Variants in GRB10 observed in about 807,000 individuals in gnomAD.
The protein encoded by GRB10 is growth factor receptor bound protein 10.
GRB10 carries 20 observed loss-of-function variants against 80.9 expected under a neutral mutation model. That is an observed-to-expected ratio of 0.25 (90% CI 0.17 to 0.36). GRB10 has a LOEUF of 0.36. Ranked by LOEUF, GRB10 falls within the 10% of genes least tolerant of loss-of-function variation. The pLI is 1.00. For missense variants in GRB10, 548 were observed against 747.7 expected (o/e 0.73, Z 3.12); for synonymous variants, 291 against 291.5 (o/e 1.00, Z 0.02).
upstream of GRB10, among the ~76,000 whole-genome samples, chr7:50,785,648 C>T: frequency 6.6e-6 from 1 of 152,278 alleles, no homozygotes; most frequent in East Asian, 1.9e-4. Flanking sequence ...CCACCGCGGG[C>T]ACCCCGCCTC....
Position 50,619,033 on chromosome 7 carries a change from A to C in GRB10, c.777+137T>G, listed in dbSNP as rs954408980. ...GTTTCAAGCAAGGACTGCTTCATTA[A>C]ACTACAACTCTGATTCTCAAACCCA... is the stretch of plus-strand genomic sequence containing the variant. On this transcript the variant is annotated intron_variant, in intron 9 of 18. Transcript: ENST00000401949. 7.1e-5 allele frequency: 49 copies of C among 687,604 alleles called. No homozygotes were observed. The African/African-American group carries it at 8.7e-4, about 12-fold the overall frequency. 42.6% of individuals were successfully genotyped at this position (687,604 alleles called of 1,614,324 possible). A position where few individuals can be genotyped will look rare whatever the true frequency, so the allele number is the denominator to read the frequency against.
chr7:50,726,662 T>TA (rs2068703291), intron 4 of GRB10, among the ~76,000 whole-genome samples: 1 of 152,168 alleles, frequency 6.6e-6, no homozygotes, highest in Non-Finnish European at 1.5e-5. Flanking sequence ...GCAAACACCT[T>TA]ACGATCAGCA....
intron 1 of GRB10, among the ~76,000 whole-genome samples, chr7:50,791,507 C>A (rs2078912854): frequency 6.6e-6 from 1 of 152,196 alleles, no homozygotes; most frequent in Admixed American, 6.5e-5. Flanking sequence ...GACAGTATGA[C>A]CTCGGGCATG....
chr7:50,614,717 GTC>G, intron 12 of GRB10, 51 bp downstream of exon 12: 1 of 1,088,210 alleles, frequency 9.2e-7, no homozygotes, highest in Non-Finnish European at 1.4e-6. Context: ...GAAGAAGTCA[GTC>G]TCCTGTGGGC....
intron 6 of GRB10, 89 bp downstream of exon 6, chr7:50,674,347 C>G (rs2060671561): frequency 7.8e-7 from 1 of 1,288,798 alleles, no homozygotes; most frequent in Non-Finnish European, 1.1e-6. Flanking sequence ...ACACTATTCC[C>G]CCCAACACCA....
At chr7:50,686,711 C>T (rs867518832) in intron 5 of GRB10, among the ~76,000 whole-genome samples, 17 of 152,128 alleles carry the variant, frequency 1.1e-4, no homozygotes, top group African/African-American at 3.4e-4. Context: ...AGATACTATG[C>T]CAGGCAATTC....
intron 2 of GRB10, chr7:50,762,014 C>A (rs1300384996): frequency 6.6e-6 from 1 of 152,152 alleles, no homozygotes; most frequent in Non-Finnish European, 1.5e-5. Flanking sequence ...TCCTGTCCAG[C>A]CTGCGGAATC....
chr7:50,697,927 G>A (rs535578127), intron 5 of GRB10, among the ~76,000 whole-genome samples: 1 of 152,342 alleles, frequency 6.6e-6, no homozygotes. Context: ...CACGCCAAGA[G>A]GGAGGATGAA....
intron 2 of GRB10, among the ~76,000 whole-genome samples, chr7:50,777,275 C>G (rs2077760291): frequency 6.6e-6 from 1 of 152,052 alleles, no homozygotes; most frequent in Admixed American, 6.5e-5. Flanking sequence ...ACCCATTCCC[C>G]CTCAGGCCCT....
intron 4 of GRB10, among the ~76,000 whole-genome samples, chr7:50,719,060 T>C (rs1487328727): frequency 6.6e-6 from 1 of 152,170 alleles, no homozygotes; most frequent in African/African-American, 2.4e-5. Context: ...AATCCTGCCC[T>C]ATGGAGTTTG....
intron 2 of GRB10, among the ~76,000 whole-genome samples, chr7:50,773,099 G>T (rs2077142257): frequency 6.6e-6 from 1 of 152,096 alleles, no homozygotes; most frequent in South Asian, 2.1e-4. Context: ...TCACATGGTG[G>T]CAGACAAGAG....
Position 50,691,262 on chromosome 7 carries a change from C to A in GRB10, c.139+12559G>T, listed in dbSNP as rs542228864. Among the ~76,000 whole-genome samples the A allele has an allele frequency of 1.6e-4, 25 of 152,174 alleles. 1 individual carries two copies. In the South Asian group the frequency reaches 5.0e-3, roughly 30 times the overall value. ...CAAAAAGAAAGAAAATACTGGTGGACTTGGATAAGGAAGGAGGGCTAATCT... is the reference window on the plus strand; with the variant it reads ...CAAAAAGAAAGAAAATACTGGTGGAATTGGATAAGGAAGGAGGGCTAATCT... On this transcript the variant is annotated intron_variant, in intron 5 of 18. Coordinates refer to ENST00000401949, the MANE Select transcript of GRB10 (RefSeq NM_001350814.2).
rs990757070 is a variant in GRB10, at chr7:50,767,522, G to T, written c.-216-11466C>A. Among the ~76,000 whole-genome samples, 3 of 152,184 alleles carry T rather than the reference G, an allele frequency of 2.0e-5. No individual in the cohort carries two copies. The East Asian group carries it at 5.8e-4, about 29-fold the overall frequency. ...AGGGATGCTCCACAGGAAGCAGAAT[G>T]CTCTGGTCTGGGCAGAGCTGGCCCA... On this transcript the variant is annotated intron_variant, in intron 2 of 18. Coordinates refer to ENST00000401949, the MANE Select transcript of GRB10 (RefSeq NM_001350814.2).
rs544272928 is a variant in GRB10 at position 50,684,075 on chromosome 7, C to T, written c.140-9417G>A. Among the ~76,000 whole-genome samples the T allele has an allele frequency of 1.5e-3, 233 of 151,996 alleles. 1 individual carries two copies. The highest frequency in any genetic ancestry group is 2.7e-3 in the Non-Finnish European group (184 of 67,984). On this transcript the variant is annotated intron_variant, in intron 5 of 18. Coordinates refer to ENST00000401949, the MANE Select transcript of GRB10 (RefSeq NM_001350814.2). Reference sequence around the variant, plus strand: ...ATCTTTAATGACACATGCAAAGTGCCGCCGCCAGTGGAGGCTCATTAAATT... The same window carrying T: ...ATCTTTAATGACACATGCAAAGTGCTGCCGCCAGTGGAGGCTCATTAAATT...
In GRB10 at chr7:50,639,599, G is replaced by A. The variant is rs1049699850; in HGVS notation, c.505-12621C>T. On this transcript the variant is annotated intron_variant, in intron 7 of 18. Coordinates refer to ENST00000401949, the MANE Select transcript of GRB10 (RefSeq NM_001350814.2). ...GAGGCGGGAGAATGGCGTGAACCGG[G>A]GAGGCGGAGCTTGCAGTGAGCCGAG... Among the ~76,000 whole-genome samples the A allele has an allele frequency of 2.6e-4, 39 of 152,150 alleles. 1 individual carries two copies. The highest frequency in any genetic ancestry group is 2.1e-4 in the South Asian group (1 of 4,820).
chr7:50,705,232 C>T, intron 4 of GRB10: 12 of 985,784 alleles, frequency 1.2e-5, no homozygotes, highest in Non-Finnish European at 1.4e-5. Flanking sequence ...GGACAGACTC[C>T]AGCAGGGTCA....
chr7:50,744,187 G>T (rs1316112221), intron 3 of GRB10, among the ~76,000 whole-genome samples: 3 of 152,140 alleles, frequency 2.0e-5, no homozygotes, highest in Non-Finnish European at 4.4e-5. Flanking sequence ...TAGGACGCAG[G>T]CGCTGCAACA....
intron 7 of GRB10, among the ~76,000 whole-genome samples, chr7:50,649,626 C>T (rs2057734712): frequency 6.6e-6 from 1 of 152,196 alleles, no homozygotes; most frequent in Non-Finnish European, 1.5e-5. Flanking sequence ...ACAAGAGCTG[C>T]TGGGCTGTGG....
At chr7:50,729,988 G>A (rs10275663) in intron 4 of GRB10, among the ~76,000 whole-genome samples, 13,463 of 152,022 alleles carry the variant, frequency 0.089, 1,970 homozygotes, top group African/African-American at 0.31. Flanking sequence ...AGGATGACCA[G>A]GCGCCGGGTA....
Sources: gnomAD v4.1 joint callset for allele counts (sites outside exome capture counted in the v4.1 genomes callset) on GRCh38, gnomAD v4.1.1 for gene constraint, MANE v1.5 for transcripts, NCBI Gene and HGNC (gene_info 2026-07-23, HGNC 2026-07-21) for gene names.